ALS2CL: variants seen among roughly 807,000 people sequenced by gnomAD.
ALS2CL encodes the protein ALS2 C-terminal-like protein.
A neutral mutation model predicts 127.9 loss-of-function variants in ALS2CL; 112 were observed. That is an observed-to-expected ratio of 0.88 (90% CI 0.75 to 1.02). The LOEUF is 1.02. Ranked by LOEUF, ALS2CL falls within the 50% of genes least tolerant of loss-of-function variation. The pLI, the probability that ALS2CL is intolerant of heterozygous loss-of-function variation, is 0.00. For missense variants in ALS2CL, 1,174 were observed against 1,236.7 expected, an observed-to-expected ratio of 0.95 and a Z score of 0.76; for synonymous variants, 519 against 527.6, an observed-to-expected ratio of 0.98 and a Z score of 0.22.
Position 46,678,396 on chromosome 3 carries a change from G to T in ALS2CL, c.1627-7C>A. The T allele has an allele frequency of 6.2e-7, 1 of 1,610,922 alleles. No individual in the cohort carries two copies. The highest frequency in any genetic ancestry group is 2.2e-5 in the East Asian group (1 of 44,820). On this transcript the variant is annotated splice_region_variant and splice_polypyrimidine_tract_variant and intron_variant, in intron 15 of 25. Transcript: ENST00000318962. Reference sequence around the variant, plus strand: ...TGGGGAAGGTGACCTTGCCCTGGGAGCCAGGAGAAGGAGCAGGGATGTCTG... The same window carrying T: ...TGGGGAAGGTGACCTTGCCCTGGGATCCAGGAGAAGGAGCAGGGATGTCTG...
At position 46,681,118 on chromosome 3, in the gene ALS2CL, G is replaced by A. The variant is rs889439068; in HGVS notation, c.1436+128C>T. ...AGCCTCCGCAGCAACCGAGGGACTGGAGGGGAAGTGAGGGGCTTAAGAGAG... is the reference window on the plus strand; with the variant it reads ...AGCCTCCGCAGCAACCGAGGGACTGAAGGGGAAGTGAGGGGCTTAAGAGAG... On this transcript the variant is annotated intron_variant, in intron 13 of 25. Transcript: ENST00000318962. The surrounding 1 kb of genome is among the most constrained non-coding windows in gnomAD (Gnocchi z 4.9). 2 of 1,430,124 alleles carry A rather than the reference G, an allele frequency of 1.4e-6. No individual in the cohort carries two copies. Among genetic ancestry groups the A allele is most frequent in the Non-Finnish European group, 2.0e-6 (2 of 1,021,446 alleles). The allele number at this position is 1,430,124 out of a possible 1,614,324, so 88.6% of individuals were successfully genotyped here.
chr3:46,672,245 A>C, intron 22 of ALS2CL, 44 bp from the exon 23 acceptor site: 2 of 1,609,256 alleles, frequency 1.2e-6, no homozygotes, highest in Non-Finnish European at 1.7e-6. Context: ...ATGGCCCCCC[A>C]GCTCTGACAT....
chr3:46,683,426 T>A, intron 9 of ALS2CL, 100 bp from the exon 10 acceptor site: 1 of 1,187,344 alleles, frequency 8.4e-7, no homozygotes, highest in Non-Finnish European at 1.2e-6. Flanking sequence ...CCCTCCACCC[T>A]CCACCTCCTA....
Position 46,685,559 on chromosome 3 carries a change from A to G in ALS2CL, c.752T>C (p.Val251Ala). 6.2e-7 allele frequency: 1 copy of G among 1,614,034 alleles called. No individual in the cohort carries two copies. Residue 251 changes from valine to alanine, a missense_variant, in exon 7 of 26, where the codon GTG becomes GCG. Transcript: ENST00000318962. The part of the protein sequence containing the change: ...VTVAPLRAER[V>A]LLFDDALVLL... ...GACGAGGGCATCATCAAAGAGCAGC[A>G]CACGCTCAGCCCGCAACGGTGCGAC...
At chr3:46,688,374 G>A in intron 2 of ALS2CL, 78 bp from the exon 3 acceptor site, 3 of 1,403,718 alleles carry the variant, frequency 2.1e-6, no homozygotes, top group Non-Finnish European at 2.9e-6. Context: ...GGCCCCAGGT[G>A]TTCACATGAG....
chr3:46,687,252 GC>G, intron 4 of ALS2CL, 104 bp from the exon 5 acceptor site: 1 of 1,304,666 alleles, frequency 7.7e-7, no homozygotes, highest in Non-Finnish European at 1.0e-6. Context: ...CCCAGGGCCA[GC>G]CCCAGGCCCA....
At position 46,678,375 on chromosome 3, in the gene ALS2CL, GA is replaced by G; in HGVS notation, c.1640del (p.Phe547SerfsTer132). 6.2e-7 allele frequency: 1 copy of G among 1,612,378 alleles called. No individual in the cohort carries two copies. The highest frequency in any genetic ancestry group is 8.5e-7 in the Non-Finnish European group (1 of 1,178,978). On this transcript the variant is annotated frameshift_variant, in exon 16 of 26. Transcript: ENST00000318962. LOFTEE classifies it high-confidence loss of function. ...LTLMGKGKVT[F>X]PNGFTLEGSF... ...AGCCCTCCAGGGTGAAGCCATTGGG[GA>G]AGGTGACCTTGCCCTGGGAGCCAGG... is the stretch of plus-strand genomic sequence containing the variant.
chr3:46,687,541 G>T (rs1699879193), intron 4 of ALS2CL, 78 bp downstream of exon 4: 5 of 1,515,068 alleles, frequency 3.3e-6, no homozygotes, highest in Admixed American at 3.7e-5. Context: ...GCTGCTCTGG[G>T]GAGGGGGCTT....
chr3:46,676,582 C>A lies in ALS2CL; in HGVS notation c.2028+60G>T. 3 of 1,583,392 alleles carry A rather than the reference C, an allele frequency of 1.9e-6. No homozygotes were observed. The Admixed American group carries it at 5.1e-5, about 27-fold the overall frequency. On this transcript the variant is annotated intron_variant, in intron 18 of 25. Coordinates refer to ENST00000318962, the MANE Select transcript of ALS2CL (RefSeq NM_147129.5). Reference sequence around the variant, plus strand: ...GCACCCTGCTATGAAAAATGGGAGCCCTTCCCCACCAGGGACAGTGACAAT... The same window carrying A: ...GCACCCTGCTATGAAAAATGGGAGCACTTCCCCACCAGGGACAGTGACAAT...
chr3:46,684,168 TC>T, intron 7 of ALS2CL, 121 bp from the exon 8 acceptor site: 1 of 1,161,522 alleles, frequency 8.6e-7, no homozygotes, highest in Non-Finnish European at 1.3e-6. Context: ...GCCCAGCATG[TC>T]CAGGACTGAG....
chr3:46,674,351 C>T (rs1226053836), intron 21 of ALS2CL, among the ~76,000 whole-genome samples: 4 of 152,178 alleles, frequency 2.6e-5, no homozygotes, highest in Non-Finnish European at 5.9e-5. Flanking sequence ...TGGTGTTTGT[C>T]ACCACAAGGG....
rs910941198 is a variant in ALS2CL, at chr3:46,681,516, C to T, written c.1258G>A (p.Gly420Ser). ...KCHWREGSMC[G>S]YGICEYSTDE... ...GTCACTTACTCACAGATGCCGTAGC[C>T]ACACATGCTGCCTTCTCGCCAGTGA... Residue 420 changes from glycine to serine, a missense_variant, in exon 12 of 26, where the codon GGC becomes AGC. By Grantham distance (56) the Gly-to-Ser change is moderately conservative. Transcript: ENST00000318962. The surrounding 1 kb of genome is among the most constrained non-coding windows in gnomAD (Gnocchi z 4.9). 1.9e-6 allele frequency: 3 copies of T among 1,614,036 alleles called. No homozygotes were observed. Among genetic ancestry groups the T allele is most frequent in the Non-Finnish European group, 1.7e-6 (2 of 1,180,002 alleles).
In ALS2CL at chr3:46,680,675, AGTG is replaced by A. The variant is rs1699247013; in HGVS notation, c.1437-137_1437-135del. The A allele has an allele frequency of 1.3e-5, 9 of 717,984 alleles. No individual in the cohort carries two copies. In the South Asian group the frequency reaches 1.6e-4, roughly 12 times the overall value. 44.5% of individuals were successfully genotyped at this position (717,984 alleles called of 1,614,324 possible). A position where few individuals can be genotyped will look rare whatever the true frequency, so the allele number is the denominator to read the frequency against. ...TCACCTGAATCCACTCAACAGACAC[AGTG>A]CCAGAGAGGTCAGGACCCCCAAGAG... On this transcript the variant is annotated intron_variant, in intron 13 of 25. Coordinates refer to ENST00000318962, the MANE Select transcript of ALS2CL (RefSeq NM_147129.5).
chr3:46,673,276 G>C (rs963517288), intron 22 of ALS2CL, 63 bp downstream of exon 22: 2 of 1,483,142 alleles, frequency 1.3e-6, no homozygotes, highest in African/African-American at 1.4e-5. Context: ...TGAGGCAAAG[G>C]GCTCCTCAAA....
Position 46,686,568 on chromosome 3 carries a change from C to A in ALS2CL, c.535-129G>T. On this transcript the variant is annotated intron_variant, in intron 5 of 25. Coordinates refer to ENST00000318962, the MANE Select transcript of ALS2CL (RefSeq NM_147129.5). This position sits in a 1 kb window ranked among gnomAD's most constrained non-coding sequence, Gnocchi z 4.3. The stretch of plus-strand genomic sequence containing the variant: ...TGCCCTTCTCTCCCTGACAGCTCCT[C>A]TTCTGCTGGTGGGGCAGGGGGTGGA... The A allele has an allele frequency of 7.7e-7, 1 of 1,304,724 alleles. No individual in the cohort carries two copies. The highest frequency in any genetic ancestry group is 1.0e-6 in the Non-Finnish European group (1 of 961,270). 80.8% of individuals were successfully genotyped at this position (1,304,724 alleles called of 1,614,324 possible). A position where few individuals can be genotyped will look rare whatever the true frequency, so the allele number is the denominator to read the frequency against.
Position 46,671,536 on chromosome 3 carries a change from G to T in ALS2CL, c.2733C>A (p.Asp911Glu), listed in dbSNP as rs1382859767. 3.3e-5 allele frequency: 53 copies of T among 1,613,934 alleles called. No homozygotes were observed. The highest frequency in any genetic ancestry group is 4.4e-5 in the Non-Finnish European group (52 of 1,180,006). Residue 911 changes from aspartate to glutamate, a missense_variant, in exon 25 of 26, where the codon GAC (aspartate) becomes GAA (glutamate). By Grantham distance (45) the Asp-to-Glu change is conservative (BLOSUM62 2). Coordinates refer to ENST00000318962, the MANE Select transcript of ALS2CL (RefSeq NM_147129.5). ...CATACAGGCCTCCTGTGTGGTTGGG[G>T]TCCATCATGTCACGGATCAGGTGGA... Reference protein sequence around the residue: ...AEIHLIRDMMDPNHTGGLYDF... With the variant: ...AEIHLIRDMMEPNHTGGLYDF...
At chr3:46,671,407 G>A in intron 25 of ALS2CL, 81 bp downstream of exon 25, 3 of 1,587,186 alleles carry the variant, frequency 1.9e-6, no homozygotes, top group Non-Finnish European at 2.6e-6. Context: ...CCACTATGGT[G>A]TTATGATGTC....
In ALS2CL at chr3:46,689,433, T is replaced by C. The variant is rs1700021806; in HGVS notation, c.8A>G (p.Asn3Ser). The C allele has an allele frequency of 6.2e-7, 1 of 1,609,504 alleles. No homozygotes were observed. The highest frequency in any genetic ancestry group is 8.5e-7 in the Non-Finnish European group (1 of 1,178,472). Reference protein sequence around the residue: MCNPEEAALLRLE... With the variant: MCSPEEAALLRLE... ...CCGCAGCAGAGCTGCCTCCTCAGGG[T>C]TGCACATGGCCAGGTGCCGGACTCA... is the stretch of plus-strand genomic sequence containing the variant. Residue 3 changes from asparagine (N) to serine (S), a missense_variant, in exon 2 of 26, where the codon AAC (asparagine) becomes AGC (serine). Transcript: ENST00000318962.
At position 46,686,213 on chromosome 3, in the gene ALS2CL, G is replaced by A; in HGVS notation, c.666+95C>T. 6.9e-7 allele frequency: 1 copy of A among 1,444,518 alleles called. No individual in the cohort carries two copies. Among genetic ancestry groups the A allele is most frequent in the Non-Finnish European group, 9.2e-7 (1 of 1,092,624 alleles). 89.5% of individuals were successfully genotyped at this position (1,444,518 alleles called of 1,614,324 possible). A position where few individuals can be genotyped will look rare whatever the true frequency, so the allele number is the denominator to read the frequency against. Reference sequence around the variant, plus strand: ...TCCCCCTTCCATATAGGGAAACTGAGGCCCAGAGAATACAGCAAGCAGCTC... The same window carrying A: ...TCCCCCTTCCATATAGGGAAACTGAAGCCCAGAGAATACAGCAAGCAGCTC... On this transcript the variant is annotated intron_variant, in intron 6 of 25. Coordinates refer to ENST00000318962, the MANE Select transcript of ALS2CL (RefSeq NM_147129.5). This position sits in a 1 kb window ranked among gnomAD's most constrained non-coding sequence, Gnocchi z 4.3.
Sources: gnomAD v4.1 joint callset for allele counts (sites outside exome capture counted in the v4.1 genomes callset) on GRCh38, gnomAD v4.1.1 for gene constraint, Gnocchi (gnomAD v3.1) non-coding constraint, MANE v1.5 for transcripts, NCBI Gene and HGNC (gene_info 2026-07-23, HGNC 2026-07-21) for gene names.